ABCA4: variants seen among roughly 807,000 people sequenced by gnomAD.
ABCA4 encodes retinal-specific phospholipid-transporting ATPase ABCA4.
ABCA4 carries 196 observed loss-of-function variants against 263.7 expected under a neutral mutation model. The observed-to-expected ratio is 0.74, with a 90% CI of 0.66 to 0.84. ABCA4 has a LOEUF of 0.84. Among genes scored for constraint, ABCA4 ranks in the 40% least tolerant of loss-of-function variants. The probability of loss-of-function intolerance (pLI) is 0.00; values close to 1 mark genes in which losing one functional copy is unlikely to be tolerated. For missense variants in ABCA4, 2,792 were observed against 2,855.1 expected (o/e 0.98, Z 0.50); for synonymous variants, 1,133 against 1,094.2 (o/e 1.04, Z -0.70).
intron 14 of ABCA4, among the ~76,000 whole-genome samples, chr1:94,057,612 G>A (rs1464089702): frequency 6.6e-6 from 1 of 152,184 alleles, no homozygotes; most frequent in Non-Finnish European, 1.5e-5. Context: ...ACTTGGAAGT[G>A]GATTGATCCT....
intron 18 of ABCA4, among the ~76,000 whole-genome samples, chr1:94,047,972 A>C (rs1406974913): frequency 6.6e-6 from 1 of 152,218 alleles, no homozygotes; most frequent in East Asian, 1.9e-4. Context: ...TGTTTCTTCT[A>C]TCCGTGCCTC....
chr1:94,030,415 C>T lies in ABCA4; in HGVS notation c.4352+13G>A, dbSNP rs61754048. On this transcript the variant is annotated intron_variant, in intron 29 of 49. Transcript: ENST00000370225. Reference sequence around the variant, plus strand: ...AGCTAGTCTTCTTAGGACAGGGGCGCGTAGGCACTTACGGAAGCCACCCTT... The same window carrying T: ...AGCTAGTCTTCTTAGGACAGGGGCGTGTAGGCACTTACGGAAGCCACCCTT... The T allele has an allele frequency of 7.2e-4, 1,166 of 1,613,490 alleles. 3 individuals are homozygous for T. Among genetic ancestry groups the T allele is most frequent in the South Asian group, 1.1e-3 (102 of 91,072 alleles).
At chr1:93,997,363 T>C (rs962353509) in intron 48 of ABCA4, among the ~76,000 whole-genome samples, 1 of 151,978 alleles carries the variant, frequency 6.6e-6, no homozygotes, top group Non-Finnish European at 1.5e-5. Flanking sequence ...GCTCCAGCAA[T>C]CTTCCTTCCT....
Position 94,042,916 on chromosome 1 carries a change from A to G in ABCA4, c.3191-18T>C. On this transcript the variant is annotated intron_variant, in intron 21 of 49. Coordinates refer to ENST00000370225, the MANE Select transcript of ABCA4 (RefSeq NM_000350.3). ...CATGCCACCTGGAGGCACAAGAAGG[A>G]CGGGAGAGTTAAGGGGCTGTGGAGG... 6.2e-7 allele frequency: 1 copy of G among 1,614,162 alleles called. No homozygotes were observed. Among genetic ancestry groups the G allele is most frequent in the South Asian group, 1.1e-5 (1 of 91,088 alleles).
chr1:94,021,906 G>A lies in ABCA4; in HGVS notation c.4713C>T (p.Ile1571=), dbSNP rs773387213. The change falls in exon 33 of 50, where the codon ATC becomes ATT. Residue 1571 remains isoleucine, a synonymous_variant. Coordinates refer to ENST00000370225, the MANE Select transcript of ABCA4 (RefSeq NM_000350.3). Reference sequence around the variant, plus strand: ...AAAACCCAACAAGTGCTTCCCCCGTGATGGGGACGACTGGGAGCTTTCCTC... The same window carrying A: ...AAAACCCAACAAGTGCTTCCCCCGTAATGGGGACGACTGGGAGCTTTCCTC... ...SIGGKLPVVP[I]TGEALVGFLS... The A allele has an allele frequency of 5.6e-6, 9 of 1,614,204 alleles. 1 individual carries two copies. In the South Asian group the frequency reaches 9.9e-5, roughly 18 times the overall value.
At chr1:94,081,220 G>A (rs985629329) in intron 7 of ABCA4, among the ~76,000 whole-genome samples, 22 of 151,818 alleles carry the variant, frequency 1.4e-4, no homozygotes, top group African/African-American at 2.2e-4. Flanking sequence ...GCAATACTCC[G>A]TCTCAAAACA....
intron 18 of ABCA4, among the ~76,000 whole-genome samples, chr1:94,047,449 T>C (rs573965507): frequency 6.6e-6 from 1 of 152,302 alleles, no homozygotes; most frequent in African/African-American, 2.4e-5. Flanking sequence ...GTGGCAGAGT[T>C]GGGATTTGAA....
chr1:94,094,488 G>A (rs1219831863), intron 6 of ABCA4, among the ~76,000 whole-genome samples: 1 of 152,132 alleles, frequency 6.6e-6, no homozygotes, highest in Non-Finnish European at 1.5e-5. Context: ...AAAGAAAGCT[G>A]AATCATGCCA....
chr1:94,045,861 T>C, intron 19 of ABCA4: 1 of 456,280 alleles, frequency 2.2e-6, no homozygotes, highest in Non-Finnish European at 4.4e-6. Context: ...CGCTGCCCCC[T>C]GCGAGGTCCG....
chr1:94,112,062 G>A (rs1662621654), intron 2 of ABCA4, among the ~76,000 whole-genome samples: 7 of 152,178 alleles, frequency 4.6e-5, no homozygotes, highest in Admixed American at 4.6e-4. Context: ...CAGAACTGGG[G>A]CCTGAAACTC....
rs369895412 is a variant in ABCA4 at position 94,034,127 on chromosome 1, G to A, written c.3863-2084C>T. ...GACCCTTGTTGGAGGCTGCACAAATGTTTCTTATGATTAGGCATAATTGAA... is the reference window on the plus strand; with the variant it reads ...GACCCTTGTTGGAGGCTGCACAAATATTTCTTATGATTAGGCATAATTGAA... On this transcript the variant is annotated intron_variant, in intron 26 of 49. Transcript: ENST00000370225. 1.1e-4 allele frequency among the ~76,000 whole-genome samples: 16 copies of A among 152,254 alleles called. No individual in the cohort carries two copies. In the East Asian group the frequency reaches 2.9e-3, roughly 28 times the overall value.
chr1:94,118,200 T>C (rs1178657058), intron 1 of ABCA4, among the ~76,000 whole-genome samples: 1 of 152,092 alleles, frequency 6.6e-6, no homozygotes, highest in Non-Finnish European at 1.5e-5. Context: ...CGTGGAACTG[T>C]TCGGAGAGTT....
intron 6 of ABCA4, among the ~76,000 whole-genome samples, chr1:94,084,160 C>T (rs1266314763): frequency 6.6e-6 from 1 of 152,212 alleles, no homozygotes; most frequent in East Asian, 1.9e-4. Flanking sequence ...TTCTGGAAAC[C>T]AAGGTCATGT....
At chr1:94,041,668 A>G (rs1375099768) in intron 22 of ABCA4, among the ~76,000 whole-genome samples, 2 of 152,210 alleles carry the variant, frequency 1.3e-5, no homozygotes, top group African/African-American at 4.8e-5. Flanking sequence ...AAATCTCTAT[A>G]TTAGGGGCTC....
rs772427121 is a variant in ABCA4, at chr1:93,996,105, G to A, written c.6816+4C>T. 6.2e-7 allele frequency: 1 copy of A among 1,613,642 alleles called. No homozygotes were observed. Among genetic ancestry groups the A allele is most frequent in the Non-Finnish European group, 8.5e-7 (1 of 1,179,842 alleles). On this transcript the variant is annotated splice_donor_region_variant and intron_variant, in intron 49 of 49. Coordinates refer to ENST00000370225, the MANE Select transcript of ABCA4 (RefSeq NM_000350.3). Reference sequence around the variant, plus strand: ...GCTGTGGACTGCATAAGCAGCAGGGGTACCTGGGCTTGTCGACTGGCTCCA... The same window carrying A: ...GCTGTGGACTGCATAAGCAGCAGGGATACCTGGGCTTGTCGACTGGCTCCA...
intron 15 of ABCA4, 68 bp downstream of exon 15, chr1:94,056,533 C>T: frequency 1.3e-6 from 2 of 1,524,724 alleles, no homozygotes; most frequent in East Asian, 4.6e-5. Flanking sequence ...CAGGCTGGGC[C>T]TCCAGGACTG....
intron 6 of ABCA4, among the ~76,000 whole-genome samples, chr1:94,084,893 C>T (rs1661791347): frequency 6.6e-6 from 1 of 152,124 alleles, no homozygotes. Flanking sequence ...AGGGAGGAAG[C>T]AAGTAGGCAA....
At chr1:94,042,941 G>A in intron 21 of ABCA4, 43 bp from the exon 22 acceptor site, 3 of 1,613,764 alleles carry the variant, frequency 1.9e-6, no homozygotes, top group Non-Finnish European at 8.5e-7. Context: ...GGCTGTGGAG[G>A]GTGAGGAAGA....
At chr1:94,006,041 A>G (rs1208440993) in intron 43 of ABCA4, among the ~76,000 whole-genome samples, 2 of 152,218 alleles carry the variant, frequency 1.3e-5, no homozygotes, top group Non-Finnish European at 2.9e-5. Flanking sequence ...AACTACCCAC[A>G]GCGAGAGGCC....
Sources: allele counts gnomAD v4.1 joint callset (sites outside exome capture counted in the v4.1 genomes callset), GRCh38; gene constraint gnomAD v4.1.1; transcripts MANE v1.5; gene names NCBI Gene and HGNC (gene_info 2026-07-23, HGNC 2026-07-21).